The following EYS variants were observed in gnomAD, a reference collection of about 807,000 sequenced individuals.
EYS encodes protein eyes shut homolog.
EYS carries 250 observed loss-of-function variants against 282.1 expected under a neutral mutation model. That is an observed-to-expected ratio of 0.89 (90% CI 0.80 to 0.98). EYS has a LOEUF of 0.98. EYS is among the 50% of genes least tolerant of loss of function. The probability of loss-of-function intolerance (pLI) is 0.00; values close to 1 mark genes in which losing one functional copy is unlikely to be tolerated. For synonymous variants in EYS, 1,355 were observed against 1,282.9 expected (o/e 1.06, Z -1.20); for missense variants, 4,016 against 3,709.0 (o/e 1.08, Z -2.15).
chr6:63,984,279 G>T, intron 35 of EYS, 104 bp downstream of exon 35: 1 of 766,830 alleles, frequency 1.3e-6, no homozygotes, highest in South Asian at 1.6e-5. Context: ...GAGAATTCTG[G>T]ACTTGTCATT....
intron 29 of EYS, among the ~76,000 whole-genome samples, chr6:64,340,738 G>A (rs986358838): frequency 6.6e-6 from 1 of 151,644 alleles, no homozygotes; most frequent in Admixed American, 6.6e-5. Context: ...TTATACTAAA[G>A]AGCTTCTGCA....
intron 14 of EYS, among the ~76,000 whole-genome samples, chr6:64,950,813 ATATATATATATATATATAT>A (rs1769471438): frequency 1.9e-5 from 2 of 107,106 alleles, no homozygotes; most frequent in East Asian, 2.9e-4. Flanking sequence ...ATATATATAT[ATATATATATATATATATAT>A]ATTGTTGAAT....
Position 63,744,869 on chromosome 6 carries a change from G to C in EYS, c.8071+17592C>G, listed in dbSNP as rs917714004. ...AGGCATGAGCCACTGCGCCCGGCCA[G>C]ATGGGCTTCTTTTAAAATAAATCCA... On this transcript the variant is annotated intron_variant, in intron 41 of 42. Coordinates refer to ENST00000503581, the MANE Select transcript of EYS (RefSeq NM_001142800.2). 11 of 290,724 alleles carry C rather than the reference G, an allele frequency of 3.8e-5. No individual in the cohort carries two copies. The Admixed American group carries it at 3.8e-4, about 10-fold the overall frequency. 18.0% of individuals were successfully genotyped at this position (290,724 alleles called of 1,614,324 possible).
At chr6:64,620,305 G>A (rs1158042408) in intron 23 of EYS, among the ~76,000 whole-genome samples, 2 of 152,262 alleles carry the variant, frequency 1.3e-5, no homozygotes, top group Admixed American at 1.3e-4. Context: ...GGCAGCTGCC[G>A]TTTCAATGCA....
At chr6:64,026,525 C>G (rs1364923557) in intron 33 of EYS, among the ~76,000 whole-genome samples, 1 of 152,112 alleles carries the variant, frequency 6.6e-6, no homozygotes, top group East Asian at 1.9e-4. Context: ...CTGAGGGAAG[C>G]ACAAATTACA....
At chr6:63,898,713 T>C (rs760013399) in intron 35 of EYS, among the ~76,000 whole-genome samples, 24 of 152,122 alleles carry the variant, frequency 1.6e-4, no homozygotes, top group Non-Finnish European at 3.2e-4. Flanking sequence ...TGATTTTATT[T>C]TAGCTGAACT....
chr6:65,011,221 T>G (rs182336078), intron 13 of EYS, among the ~76,000 whole-genome samples: 1 of 152,194 alleles, frequency 6.6e-6, no homozygotes, highest in African/African-American at 2.4e-5. Context: ...TAGGCATAGA[T>G]AGCACCGATC....
intron 26 of EYS, among the ~76,000 whole-genome samples, chr6:64,554,495 C>T (rs1217629429): frequency 6.6e-6 from 1 of 151,804 alleles, no homozygotes; most frequent in Admixed American, 6.6e-5. Flanking sequence ...AATTCCAACC[C>T]TAAAAAACAA....
intron 12 of EYS, among the ~76,000 whole-genome samples, chr6:65,260,456 C>T (rs1020628615): frequency 6.6e-6 from 1 of 151,970 alleles, no homozygotes; most frequent in Admixed American, 6.6e-5. Context: ...TTCCTAGAAA[C>T]ATCTTATTGT....
intron 22 of EYS, among the ~76,000 whole-genome samples, chr6:64,742,911 C>A (rs2149962519): frequency 6.6e-6 from 1 of 152,170 alleles, no homozygotes. Flanking sequence ...GCCACAAAAT[C>A]ACCGGTGATA....
chr6:65,296,543 T>C (rs559236198), intron 11 of EYS, among the ~76,000 whole-genome samples: 1 of 151,836 alleles, frequency 6.6e-6, no homozygotes, highest in African/African-American at 2.4e-5. Context: ...TATATACATA[T>C]ATATAAGATT....
At chr6:65,545,101 C>A (rs1406747208) in intron 2 of EYS, among the ~76,000 whole-genome samples, 1 of 151,950 alleles carries the variant, frequency 6.6e-6, no homozygotes, top group Non-Finnish European at 1.5e-5. Context: ...CTTTTCAGTA[C>A]TCTTACATTC....
At chr6:64,650,515 T>G (rs1768519903) in intron 22 of EYS, among the ~76,000 whole-genome samples, 1 of 152,034 alleles carries the variant, frequency 6.6e-6, no homozygotes. Context: ...GAAAGATTCA[T>G]AGGAGAATTT....
At chr6:65,643,771 C>A (rs1230501023) in intron 1 of EYS, among the ~76,000 whole-genome samples, 1 of 152,062 alleles carries the variant, frequency 6.6e-6, no homozygotes, top group Admixed American at 6.6e-5. Context: ...CCAGTACCAG[C>A]CCAGAGCTCA....
At chr6:64,090,377 T>C (rs1772313859) in intron 31 of EYS, among the ~76,000 whole-genome samples, 1 of 152,182 alleles carries the variant, frequency 6.6e-6, no homozygotes, top group Admixed American at 6.5e-5. Context: ...TGGAAAAATA[T>C]AGGTAACCTA....
chr6:65,605,775 C>A (rs1765765935), intron 2 of EYS, among the ~76,000 whole-genome samples: 2 of 151,322 alleles, frequency 1.3e-5, no homozygotes, highest in African/African-American at 2.4e-5. Context: ...GTGAAAAAGG[C>A]AAGCTATGAA....
At chr6:64,626,439 G>A (rs1487289825) in intron 22 of EYS, among the ~76,000 whole-genome samples, 194 bp from the exon 23 acceptor site, 2 of 152,018 alleles carry the variant, frequency 1.3e-5, no homozygotes, top group African/African-American at 4.8e-5. Flanking sequence ...CTAAATATCT[G>A]TGAATGTGAA....
chr6:64,262,662 G>C (rs1261027097), intron 30 of EYS, among the ~76,000 whole-genome samples: 2 of 151,948 alleles, frequency 1.3e-5, no homozygotes, highest in African/African-American at 4.8e-5. Context: ...TAATGTTGGA[G>C]AGAAACATCT....
intron 33 of EYS, among the ~76,000 whole-genome samples, chr6:64,007,625 GCA>G (rs1768413062): frequency 6.6e-6 from 1 of 152,062 alleles, no homozygotes; most frequent in Non-Finnish European, 1.5e-5. Context: ...TGGGCATTTA[GCA>G]CTATAACTTT....
Sources: gnomAD v4.1 joint callset for allele counts (sites outside exome capture counted in the v4.1 genomes callset) on GRCh38, gnomAD v4.1.1 for gene constraint, MANE v1.5 for transcripts, NCBI Gene and HGNC (gene_info 2026-07-23, HGNC 2026-07-21) for gene names.